The following PRR16 variants were observed in gnomAD, a reference collection of about 807,000 sequenced individuals.
PRR16 encodes the protein protein Largen.
PRR16 carries 6 observed loss-of-function variants against 18.2 expected under a neutral mutation model. The ratio of observed to expected loss-of-function variants is 0.33; its 90% CI spans 0.18 to 0.65. The LOEUF is 0.65. PRR16 is among the 30% of genes least tolerant of loss of function. The pLI is 0.74. For synonymous variants in PRR16, 151 were observed against 147.8 expected (o/e 1.02, Z -0.16); for missense variants, 412 against 376.6 (o/e 1.09, Z -0.78).
intron 1 of PRR16, among the ~76,000 whole-genome samples, chr5:120,608,084 T>A (rs921808040): frequency 6.6e-6 from 1 of 152,160 alleles, no homozygotes; most frequent in African/African-American, 2.4e-5. Flanking sequence ...CATCTTAAGG[T>A]CACAGGAAGA....
At chr5:120,525,619 T>C (rs1580685854) in intron 1 of PRR16, among the ~76,000 whole-genome samples, 1 of 151,846 alleles carries the variant, frequency 6.6e-6, no homozygotes, top group East Asian at 1.9e-4. Context: ...GCTTTTTTTT[T>C]TTTTTTTTGT....
At chr5:120,669,911 A>G (rs1216466958) in intron 1 of PRR16, among the ~76,000 whole-genome samples, 16 of 152,118 alleles carry the variant, frequency 1.1e-4, no homozygotes, top group Admixed American at 1.0e-3. Flanking sequence ...TAATGATAGT[A>G]TATTTATGAA....
Position 120,555,327 on chromosome 5 carries a change from G to A in PRR16, c.159+90682G>A, listed in dbSNP as rs146383625. Among the ~76,000 whole-genome samples, 20 of 151,984 alleles carry A rather than the reference G, an allele frequency of 1.3e-4. No homozygotes were observed. In the East Asian group the frequency reaches 3.9e-3, roughly 29 times the overall value. On this transcript the variant is annotated intron_variant, in intron 1 of 1. Coordinates refer to ENST00000407149, the MANE Select transcript of PRR16 (RefSeq NM_001300783.2). Reference sequence around the variant, plus strand: ...TTTTGAATAACATTGTTTTGGACCTGTCAGCTTAGGCTGCCACGACAAAAT... The same window carrying A: ...TTTTGAATAACATTGTTTTGGACCTATCAGCTTAGGCTGCCACGACAAAAT...
the PRR16 span, among the ~76,000 whole-genome samples, chr5:120,770,784 C>G: frequency 1.3e-5 from 2 of 151,938 alleles, no homozygotes; most frequent in Non-Finnish European, 2.9e-5. Context: ...GACTAGCTCT[C>G]CCTACTTGCC....
intron 1 of PRR16, among the ~76,000 whole-genome samples, chr5:120,544,298 C>T (rs965164459): frequency 2.6e-5 from 4 of 152,154 alleles, no homozygotes; most frequent in African/African-American, 9.7e-5. Context: ...TATGTGAACT[C>T]TCACAATCTT....
intron 1 of PRR16, among the ~76,000 whole-genome samples, chr5:120,526,726 A>G (rs1751366918): frequency 6.6e-6 from 1 of 152,186 alleles, no homozygotes. Context: ...TAGCAAAGTA[A>G]AAAGATGAAA....
the PRR16 span, among the ~76,000 whole-genome samples, chr5:120,750,261 G>C: frequency 6.6e-6 from 1 of 151,928 alleles, no homozygotes; most frequent in Non-Finnish European, 1.5e-5. Context: ...GTAAATTATT[G>C]ATTCATCCTG....
chr5:120,587,377 C>A (rs112186670), intron 1 of PRR16, among the ~76,000 whole-genome samples: 1 of 152,086 alleles, frequency 6.6e-6, no homozygotes, highest in Non-Finnish European at 1.5e-5. Flanking sequence ...AAGATGCCAC[C>A]TAGGACTTTC....
At chr5:120,748,521 C>A in the PRR16 span, among the ~76,000 whole-genome samples, 1 of 151,574 alleles carries the variant, frequency 6.6e-6, no homozygotes, top group Non-Finnish European at 1.5e-5. Context: ...GTGAAAAAAA[C>A]AGGCATTAAT....
At chr5:120,554,185 C>T (rs954308445) in intron 1 of PRR16, among the ~76,000 whole-genome samples, 1 of 151,846 alleles carries the variant, frequency 6.6e-6, no homozygotes. Context: ...GTTCTCCTTG[C>T]AAACTCACCT....
intron 1 of PRR16, among the ~76,000 whole-genome samples, chr5:120,619,367 T>A (rs17146844): frequency 6.6e-6 from 1 of 152,088 alleles, no homozygotes; most frequent in Non-Finnish European, 1.5e-5. Context: ...CTAGGAAAAA[T>A]AATAGTATGG....
the PRR16 span, among the ~76,000 whole-genome samples, chr5:120,785,563 T>TTTGTTG: frequency 3.7e-5 from 5 of 133,838 alleles, no homozygotes; most frequent in African/African-American, 1.4e-4. Context: ...GTGTGTGTGT[T>TTTGTTG]TTGTTGTTGT....
chr5:120,469,265 A>AT (rs761460413), intron 1 of PRR16, among the ~76,000 whole-genome samples: 2 of 152,170 alleles, frequency 1.3e-5, no homozygotes, highest in Non-Finnish European at 2.9e-5. Flanking sequence ...TTTTTGGTTA[A>AT]TGAGCCCATG....
intron 1 of PRR16, among the ~76,000 whole-genome samples, chr5:120,489,064 A>G (rs1315530404): frequency 3.3e-5 from 5 of 152,178 alleles, no homozygotes; most frequent in African/African-American, 1.2e-4. Context: ...GGAGAGCTTT[A>G]CTTCCAAGTA....
the PRR16 span, among the ~76,000 whole-genome samples, chr5:120,771,199 T>C: frequency 6.6e-6 from 1 of 152,056 alleles, no homozygotes; most frequent in Non-Finnish European, 1.5e-5. Flanking sequence ...ACTTTAAATA[T>C]ATATTAAACA....
chr5:120,695,204 T>C, the PRR16 span, among the ~76,000 whole-genome samples: 1 of 152,190 alleles, frequency 6.6e-6, no homozygotes, highest in East Asian at 1.9e-4. Context: ...AAAAACTTTA[T>C]AGTTGTATCA....
intron 1 of PRR16, among the ~76,000 whole-genome samples, chr5:120,622,717 T>G (rs1754729827): frequency 6.6e-6 from 1 of 151,998 alleles, no homozygotes; most frequent in African/African-American, 2.4e-5. Context: ...GACCTTATGA[T>G]CCACCCGCCT....
chr5:120,505,942 GTGTGTATA>G (rs1480452876), intron 1 of PRR16, among the ~76,000 whole-genome samples: 1 of 132,088 alleles, frequency 7.6e-6, no homozygotes, highest in African/African-American at 3.0e-5. Flanking sequence ...GTATGTGTGT[GTGTGTATA>G]TATATATATA....
chr5:120,510,805 T>C (rs534304293), intron 1 of PRR16, among the ~76,000 whole-genome samples: 91 of 152,284 alleles, frequency 6.0e-4, no homozygotes, highest in Middle Eastern at 6.8e-3. Context: ...ACTAAGTTTG[T>C]AATGGAATGA....
Sources: gnomAD v4.1 joint callset for allele counts (sites outside exome capture counted in the v4.1 genomes callset) on GRCh38, gnomAD v4.1.1 for gene constraint, MANE v1.5 for transcripts, NCBI Gene and HGNC (gene_info 2026-07-23, HGNC 2026-07-21) for gene names.